Variants in ARHGEF5 observed in about 807,000 individuals in gnomAD.
ARHGEF5 encodes the protein Rho guanine nucleotide exchange factor 5.
Under a neutral mutation model 104.0 loss-of-function variants are expected in ARHGEF5, and 11 were observed. That is an observed-to-expected ratio of 0.11 (90% CI 0.07 to 0.18). The LOEUF (loss-of-function observed/expected upper bound fraction) is 0.18. ARHGEF5 is among the 10% of genes least tolerant of loss of function. ARHGEF5 has a pLI of 1.00. For synonymous variants in ARHGEF5, 60 were observed against 512.2 expected, an observed-to-expected ratio of 0.12 and a Z score of 11.92; for missense variants, 165 against 1,335.4, an observed-to-expected ratio of 0.12 and a Z score of 13.66.
chr7:144,377,510 AG>A (rs2053769551), intron 13 of ARHGEF5, among the ~76,000 whole-genome samples: 1 of 152,094 alleles, frequency 6.6e-6, no homozygotes, highest in South Asian at 2.1e-4. Flanking sequence ...TTGTTGGGGT[AG>A]GGGAAGAAAG....
Position 144,380,251 on chromosome 7 carries a change from G to A in ARHGEF5, c.*195G>A. The A allele has an allele frequency of 1.6e-6, 1 of 637,808 alleles. No homozygotes were observed. The allele number at this position is 637,808 out of a possible 1,614,324, so 39.5% of individuals were successfully genotyped here. On this transcript the variant is annotated 3_prime_UTR_variant, in exon 15 of 15. Transcript: ENST00000056217. ...TTGTGCTTGGTGGGGGGGATTTCGAGGGACTTTGCACTGGACTCTGGGAAC... is the reference window on the plus strand; with the variant it reads ...TTGTGCTTGGTGGGGGGGATTTCGAAGGACTTTGCACTGGACTCTGGGAAC...
chr7:144,358,973 T>C, intron 1 of ARHGEF5, among the ~76,000 whole-genome samples: 1 of 61,010 alleles, frequency 1.6e-5, no homozygotes, highest in Admixed American at 2.2e-4. Context: ...CTCTAAGTGC[T>C]TACAGGAGAC....
rs1311910847 is a variant in ARHGEF5 at position 144,360,285 on chromosome 7, AT to A, written c.-12-2367del. On this transcript the variant is annotated intron_variant, in intron 1 of 14. Coordinates refer to ENST00000056217, the MANE Select transcript of ARHGEF5 (RefSeq NM_005435.4). ...GCCACCATGCTCCACTAATTTTTGT[AT>A]TTTTTGTGGAGACAGGGTTTCACCA... is the stretch of plus-strand genomic sequence containing the variant. 5.3e-5 allele frequency among the ~76,000 whole-genome samples: 6 copies of A among 112,512 alleles called. 1 individual carries two copies. In the East Asian group the frequency reaches 1.9e-3, roughly 35 times the overall value. 73.8% of individuals were successfully genotyped at this position (112,512 alleles called of 152,430 possible). A position where few individuals can be genotyped will look rare whatever the true frequency, so the allele number is the denominator to read the frequency against.
chr7:144,357,929 GAGA>G (rs2053610409), intron 1 of ARHGEF5, among the ~76,000 whole-genome samples: 1 of 124,796 alleles, frequency 8.0e-6, no homozygotes, highest in Admixed American at 8.0e-5. Context: ...ACCCTCAGTG[GAGA>G]AGGAGATGAG....
intron 10 of ARHGEF5, among the ~76,000 whole-genome samples, chr7:144,373,918 T>C (rs1167180174): frequency 1.5e-5 from 2 of 137,322 alleles, no homozygotes; most frequent in African/African-American, 2.7e-5. Context: ...CTTGGCTCAC[T>C]GCAACCTCCA....
intron 1 of ARHGEF5, among the ~76,000 whole-genome samples, chr7:144,357,669 A>G (rs1213318844): frequency 2.0e-5 from 3 of 151,654 alleles, no homozygotes; most frequent in Non-Finnish European, 4.4e-5. Flanking sequence ...GAGGGGTTGT[A>G]TCCTTGAAAT....
intron 13 of ARHGEF5, among the ~76,000 whole-genome samples, 177 bp downstream of exon 13, chr7:144,377,367 T>G (rs1168992078): frequency 6.6e-6 from 1 of 152,234 alleles, no homozygotes; most frequent in Non-Finnish European, 1.5e-5. Context: ...CGCCTAAAAC[T>G]GCTCATCACT....
intron 14 of ARHGEF5, 75 bp downstream of exon 14, chr7:144,378,941 C>T: frequency 7.2e-7 from 1 of 1,397,606 alleles, no homozygotes; most frequent in Non-Finnish European, 1.0e-6. Context: ...TCACTTCCTG[C>T]AGCTGCCATG....
chr7:144,374,943 GA>G (rs1388399748), intron 11 of ARHGEF5, 54 bp downstream of exon 11: 1 of 552,436 alleles, frequency 1.8e-6, no homozygotes, highest in Non-Finnish European at 3.2e-6. Context: ...GATGAGGAAA[GA>G]GGGGGGTCTG....
intron 9 of ARHGEF5, among the ~76,000 whole-genome samples, 177 bp downstream of exon 9, chr7:144,372,934 G>A (rs1339582156): frequency 9.0e-4 from 121 of 133,974 alleles, no homozygotes; most frequent in African/African-American, 3.4e-3. Context: ...CCTCTCCCAC[G>A]CCGAGCACAC....
intron 10 of ARHGEF5, 74 bp from the exon 11 acceptor site, chr7:144,374,654 AGGAG>A: frequency 6.7e-7 from 1 of 1,501,316 alleles, no homozygotes; most frequent in Non-Finnish European, 9.3e-7. Flanking sequence ...TGGCATGGGG[AGGAG>A]GGTGGGACTG....
At chr7:144,378,908 G>T (rs776153317) in intron 14 of ARHGEF5, 42 bp downstream of exon 14, 1 of 1,559,274 alleles carries the variant, frequency 6.4e-7, no homozygotes, top group South Asian at 1.1e-5. Context: ...GGCACTGCAG[G>T]CAGGGCAGTG....
intron 5 of ARHGEF5, among the ~76,000 whole-genome samples, chr7:144,370,858 T>C (rs1436513544): frequency 2.8e-5 from 4 of 144,958 alleles, no homozygotes; most frequent in African/African-American, 1.0e-4. Context: ...AGAATTACCC[T>C]AGTGAAGCAA....
Position 144,377,917 on chromosome 7 carries a change from G to A in ARHGEF5, c.4531+727G>A, listed in dbSNP as rs974933585. Among the ~76,000 whole-genome samples the A allele has an allele frequency of 1.2e-4, 18 of 152,180 alleles. 1 individual carries two copies. The highest frequency in any genetic ancestry group is 8.5e-4 in the Admixed American group (13 of 15,288). On this transcript the variant is annotated intron_variant, in intron 13 of 14. Coordinates refer to ENST00000056217, the MANE Select transcript of ARHGEF5 (RefSeq NM_005435.4). ...GTTCCCCAGTGGGTGAGGAGGGCAGGAGCATTCTTCCTCCTTCATTTTGAC... is the reference window on the plus strand; with the variant it reads ...GTTCCCCAGTGGGTGAGGAGGGCAGAAGCATTCTTCCTCCTTCATTTTGAC...
At chr7:144,375,839 G>C (rs2053758757) in intron 12 of ARHGEF5, among the ~76,000 whole-genome samples, 164 bp downstream of exon 12, 1 of 152,302 alleles carries the variant, frequency 6.6e-6, no homozygotes, top group Non-Finnish European at 1.5e-5. Context: ...TAAAACTAAT[G>C]GATAACTTGC....
At chr7:144,357,797 C>A (rs1232412453) in intron 1 of ARHGEF5, among the ~76,000 whole-genome samples, 68 of 149,046 alleles carry the variant, frequency 4.6e-4, no homozygotes, top group Middle Eastern at 3.5e-3. Context: ...AGCTTTGCCT[C>A]TCAAGAAGTC....
chr7:144,379,852 C>G (rs761964227), intron 14 of ARHGEF5, 47 bp from the exon 15 acceptor site: 1 of 1,610,516 alleles, frequency 6.2e-7, no homozygotes, highest in Admixed American at 1.7e-5. Context: ...GAGAAGCTAT[C>G]GTGAGCCTTT....
intron 14 of ARHGEF5, among the ~76,000 whole-genome samples, chr7:144,379,187 G>A (rs1018721499): frequency 6.6e-6 from 1 of 152,104 alleles, no homozygotes; most frequent in African/African-American, 2.4e-5. Flanking sequence ...CTGTGTCTGT[G>A]TCCAAGTTTT....
In ARHGEF5 at chr7:144,380,137, C is replaced by T; in HGVS notation, c.*81C>T. Reference sequence around the variant, plus strand: ...TGGCCCCAGAACCCTGCAAGAGAGGCCTTCTGTGGATGGAGAACTAGGCCT... The same window carrying T: ...TGGCCCCAGAACCCTGCAAGAGAGGTCTTCTGTGGATGGAGAACTAGGCCT... On this transcript the variant is annotated 3_prime_UTR_variant, in exon 15 of 15. Transcript: ENST00000056217. 6.4e-7 allele frequency: 1 copy of T among 1,552,462 alleles called. No individual in the cohort carries two copies. The highest frequency in any genetic ancestry group is 2.3e-5 in the East Asian group (1 of 44,288).
Sources: allele counts gnomAD v4.1 joint callset (sites outside exome capture counted in the v4.1 genomes callset), GRCh38; gene constraint gnomAD v4.1.1; transcripts MANE v1.5; gene names NCBI Gene and HGNC (gene_info 2026-07-23, HGNC 2026-07-21).